PHACTR1: variants seen among roughly 807,000 people sequenced by gnomAD.
PHACTR1 encodes RPEL repeat containing 1.
In PHACTR1, 16 loss-of-function variants were observed where a neutral mutation model predicts 69.2. The ratio of observed to expected loss-of-function variants is 0.23; its 90% confidence interval spans 0.16 to 0.35. The LOEUF is 0.35. Among genes scored for constraint, PHACTR1 ranks in the 10% least tolerant of loss-of-function variants. The probability of loss-of-function intolerance (pLI) is 1.00; values close to 1 mark genes in which losing one functional copy is unlikely to be tolerated. For missense variants in PHACTR1, 510 were observed against 734.7 expected, an observed-to-expected ratio of 0.69 and a Z score of 3.54; for synonymous variants, 312 against 284.5, an observed-to-expected ratio of 1.10 and a Z score of -0.97.
At chr6:12,831,389 A>G (rs570130436) in intron 4 of PHACTR1, among the ~76,000 whole-genome samples, 3 of 152,262 alleles carry the variant, frequency 2.0e-5, no homozygotes, top group Non-Finnish European at 4.4e-5. Context: ...CCTCAGGTAC[A>G]TATTGATTAC....
chr6:13,058,216 C>T lies in PHACTR1; in HGVS notation c.415+4687C>T, dbSNP rs6908079. Among the ~76,000 whole-genome samples, 999 of 152,222 alleles carry T rather than the reference C, an allele frequency of 6.6e-3. 16 individuals carry two copies. The highest frequency in any genetic ancestry group is 0.022 in the African/African-American group (912 of 41,496). On this transcript the variant is annotated intron_variant, in intron 5 of 14. Coordinates refer to ENST00000332995, the MANE Select transcript of PHACTR1 (RefSeq NM_030948.6). ...TGCCTCCCCAAATAGTCAACTGCAG[C>T]GATCTTATCCAAATTCCTTGAAAAT...
chr6:12,933,522 A>G, intron 4 of PHACTR1: 1 of 1,525,728 alleles, frequency 6.6e-7, no homozygotes, highest in Non-Finnish European at 8.8e-7. Context: ...ATCGGTTAGA[A>G]CTGATGACTA....
chr6:13,221,865 G>T lies in PHACTR1; in HGVS notation c.987-5951G>T, dbSNP rs559255097. Among the ~76,000 whole-genome samples the T allele has an allele frequency of 2.7e-4, 41 of 152,236 alleles. 1 individual carries two copies. In the South Asian group the frequency reaches 4.8e-3, roughly 18 times the overall value. On this transcript the variant is annotated intron_variant, in intron 8 of 14. Coordinates refer to ENST00000332995, the MANE Select transcript of PHACTR1 (RefSeq NM_030948.6). ...AGCCTGGCCAAGATGGTGAAACCCT[G>T]CCTCTACTAAAAATATAATAATTAG... is the stretch of plus-strand genomic sequence containing the variant.
At position 13,179,679 on chromosome 6, in the gene PHACTR1, T is replaced by C. The variant is rs928799860; in HGVS notation, c.497-2840T>C. Among the ~76,000 whole-genome samples, 3 of 147,920 alleles carry C rather than the reference T, an allele frequency of 2.0e-5. No homozygotes were observed. Among genetic ancestry groups the C allele is most frequent in the African/African-American group, 7.5e-5 (3 of 40,044 alleles). ...ATAGGTAGGAAGATAGGTAGGTAGG[T>C]AGGTAGATAGATAAGTAGATAGAGA... is the stretch of plus-strand genomic sequence containing the variant. On this transcript the variant is annotated intron_variant, in intron 6 of 14. Coordinates refer to ENST00000332995, the MANE Select transcript of PHACTR1 (RefSeq NM_030948.6). The surrounding 1 kb of genome is among the most constrained non-coding windows in gnomAD (Gnocchi z 4.2).
intron 4 of PHACTR1, among the ~76,000 whole-genome samples, chr6:12,976,359 A>G (rs1794882418): frequency 1.3e-5 from 2 of 152,152 alleles, no homozygotes; most frequent in Non-Finnish European, 2.9e-5. Context: ...GTAACCTGGG[A>G]TCTTAGAATA....
intron 4 of PHACTR1, among the ~76,000 whole-genome samples, chr6:12,783,300 A>G (rs1309145965): frequency 6.6e-6 from 1 of 152,254 alleles, no homozygotes; most frequent in Non-Finnish European, 1.5e-5. Flanking sequence ...TAGCAGATGT[A>G]TAGGAATACA....
chr6:13,104,962 A>G (rs1359929412), intron 5 of PHACTR1, among the ~76,000 whole-genome samples: 5 of 152,226 alleles, frequency 3.3e-5, no homozygotes, highest in Non-Finnish European at 4.4e-5. Flanking sequence ...TTTATAAACT[A>G]ATCTACTCTT....
At chr6:12,912,008 A>G (rs1044251224) in intron 4 of PHACTR1, among the ~76,000 whole-genome samples, 6 of 152,112 alleles carry the variant, frequency 3.9e-5, no homozygotes, top group Admixed American at 1.3e-4. Context: ...TTGTTTGTTT[A>G]TTTATTTGAG....
At chr6:12,849,044 A>G (rs1209287320) in intron 4 of PHACTR1, among the ~76,000 whole-genome samples, 1 of 152,136 alleles carries the variant, frequency 6.6e-6, no homozygotes, top group African/African-American at 2.4e-5. Context: ...GACTTTGCAG[A>G]TGGCACCTGA....
chr6:13,113,944 G>A (rs1243228672), intron 5 of PHACTR1, among the ~76,000 whole-genome samples: 1 of 152,190 alleles, frequency 6.6e-6, no homozygotes, highest in Admixed American at 6.5e-5. Context: ...TGGAGAAAAA[G>A]CAATAAAACT....
rs1778683152 is a variant in PHACTR1, at chr6:13,275,435, GGTAGCTTGT to G, written c.1447+2522_1447+2530del. 1 of 152,202 alleles carries G rather than the reference GGTAGCTTGT, an allele frequency of 6.6e-6. No individual in the cohort carries two copies. Among genetic ancestry groups the G allele is most frequent in the Non-Finnish European group, 1.5e-5 (1 of 68,056 alleles). 9.4% of individuals were successfully genotyped at this position (152,202 alleles called of 1,614,324 possible). A position where few individuals can be genotyped will look rare whatever the true frequency, so the allele number is the denominator to read the frequency against. ...AACTAAAGGTATCAATTCTGTAGGT[GGTAGCTTGT>G]GGCCCCACCCCTCAGAGTGACCTAA... On this transcript the variant is annotated intron_variant, in intron 11 of 14. Coordinates refer to ENST00000332995, the MANE Select transcript of PHACTR1 (RefSeq NM_030948.6). This position sits in a 1 kb window ranked among gnomAD's most constrained non-coding sequence, Gnocchi z 4.0.
At chr6:13,052,859 A>G (rs1806157985) in intron 4 of PHACTR1, among the ~76,000 whole-genome samples, 1 of 152,342 alleles carries the variant, frequency 6.6e-6, no homozygotes, top group South Asian at 2.1e-4. Context: ...AGTGCTGCTG[A>G]AGGTCTAGGT....
rs202055 is a variant in PHACTR1 at position 13,245,385 on chromosome 6, G to T, written c.1391+15192G>T. Among the ~76,000 whole-genome samples, 10,076 of 152,198 alleles carry T rather than the reference G, an allele frequency of 0.066. 669 individuals carry two copies. Among genetic ancestry groups the T allele is most frequent in the Admixed American group, 0.21 (3,285 of 15,280 alleles). On this transcript the variant is annotated intron_variant, in intron 10 of 14. Transcript: ENST00000332995. This position sits in a 1 kb window ranked among gnomAD's most constrained non-coding sequence, Gnocchi z 4.1. ...ATAGACATTCTGACTGGTGTGAGAT[G>T]ATATGTGGTTTTGATTTGCATTTCT... is the stretch of plus-strand genomic sequence containing the variant.
At chr6:12,807,840 C>A (rs962358425) in intron 4 of PHACTR1, among the ~76,000 whole-genome samples, 1 of 152,206 alleles carries the variant, frequency 6.6e-6, no homozygotes, top group Non-Finnish European at 1.5e-5. Context: ...ATTGTGATAG[C>A]TTTAAAGGCT....
At position 13,019,929 on chromosome 6, in the gene PHACTR1, G is replaced by C. The variant is rs1397774321; in HGVS notation, c.251-33436G>C. Among the ~76,000 whole-genome samples the C allele has an allele frequency of 3.3e-5, 5 of 152,162 alleles. No homozygotes were observed. In the East Asian group the frequency reaches 9.6e-4, roughly 29 times the overall value. ...AGAAGTGTCTAAAAGCCTGAAGGGTGGTAGTCCATTGAGCCAGTTAGGAGC... is the reference window on the plus strand; with the variant it reads ...AGAAGTGTCTAAAAGCCTGAAGGGTCGTAGTCCATTGAGCCAGTTAGGAGC... On this transcript the variant is annotated intron_variant, in intron 4 of 14. Transcript: ENST00000332995.
intron 4 of PHACTR1, among the ~76,000 whole-genome samples, chr6:13,023,577 T>G (rs1008135422): frequency 1.3e-5 from 2 of 152,248 alleles, no homozygotes; most frequent in African/African-American, 4.8e-5. Context: ...TTTAGGACTG[T>G]GACATTCTGC....
chr6:13,081,473 G>T (rs556211663), intron 5 of PHACTR1, among the ~76,000 whole-genome samples: 2 of 152,202 alleles, frequency 1.3e-5, no homozygotes, highest in South Asian at 4.1e-4. Context: ...ATGCCCTTCC[G>T]AATCACTGCT....
intron 4 of PHACTR1, among the ~76,000 whole-genome samples, chr6:12,767,607 T>C (rs1350091312): frequency 2.0e-5 from 3 of 152,168 alleles, no homozygotes; most frequent in Non-Finnish European, 4.4e-5. Context: ...ATGATGACCA[T>C]AAAGGACTAC....
At chr6:13,251,102 C>G (rs1406779971) in intron 10 of PHACTR1, among the ~76,000 whole-genome samples, 1 of 152,190 alleles carries the variant, frequency 6.6e-6, no homozygotes, top group East Asian at 1.9e-4. Flanking sequence ...GTGGCAGCCA[C>G]CTGAGAAGGG....
Sources: gnomAD v4.1 joint callset for allele counts (sites outside exome capture counted in the v4.1 genomes callset) on GRCh38, gnomAD v4.1.1 for gene constraint, Gnocchi (gnomAD v3.1) non-coding constraint, MANE v1.5 for transcripts, NCBI Gene and HGNC (gene_info 2026-07-23, HGNC 2026-07-21) for gene names.